PDE2A: variants seen among roughly 807,000 people sequenced by gnomAD.
PDE2A encodes the protein cGMP-dependent 3',5'-cyclic phosphodiesterase.
A neutral mutation model predicts 133.6 loss-of-function variants in PDE2A; 53 were observed. The ratio of observed to expected loss-of-function variants is 0.40; its 90% CI spans 0.32 to 0.50. The LOEUF is 0.50. Among genes scored for constraint, PDE2A ranks in the 20% least tolerant of loss-of-function variants. The pLI, the probability that PDE2A is intolerant of heterozygous loss-of-function variation, is 0.73. For missense variants in PDE2A, 796 were observed against 1,232.4 expected (o/e 0.65, Z 5.30); for synonymous variants, 491 against 490.2 (o/e 1.00, Z -0.02).
In PDE2A at chr11:72,577,389, C is replaced by G. The variant is rs1373447418; in HGVS notation, c.2821G>C (p.Glu941Gln). 6.2e-7 allele frequency: 1 copy of G among 1,612,274 alleles called. No individual in the cohort carries two copies. The highest frequency in any genetic ancestry group is 8.5e-7 in the Non-Finnish European group (1 of 1,178,972). ...GGAAGTGTCCCTGGAGGGGATCACT[C>G]AGCATCAAGGCTGCAGCAGCCATTG... The part of the protein sequence containing the change: ...PINGCCSLDA[E>Q] Residue 941 changes from glutamate (E) to glutamine (Q), a missense_variant, in exon 31 of 31, where the codon GAG becomes CAG. By Grantham distance (29) the Glu-to-Gln change is conservative. Around this residue, in one of 7 missense-constraint regions of PDE2A, gnomAD observed 83 missense variants for 99.0 expected, o/e 0.84. Coordinates refer to ENST00000334456, the MANE Select transcript of PDE2A (RefSeq NM_002599.5).
chr11:72,674,105 C>T (rs747465519), intron 1 of PDE2A, 32 bp downstream of exon 1: 23 of 1,606,104 alleles, frequency 1.4e-5, no homozygotes, highest in Non-Finnish European at 1.9e-5. Flanking sequence ...CTCTCACAGC[C>T]GCTCACCACC....
intron 4 of PDE2A, among the ~76,000 whole-genome samples, chr11:72,600,856 T>C (rs1390841839): frequency 6.6e-6 from 1 of 151,792 alleles, no homozygotes; most frequent in Non-Finnish European, 1.5e-5. Context: ...GGGCACAGAG[T>C]GGAGAGAGGA....
chr11:72,626,481 C>T (rs1858077162), intron 2 of PDE2A, among the ~76,000 whole-genome samples: 1 of 152,216 alleles, frequency 6.6e-6, no homozygotes, highest in Admixed American at 6.5e-5. Flanking sequence ...GTGCAGAATC[C>T]AGGAGGAAGT....
At chr11:72,606,236 G>A (rs956189181) in intron 3 of PDE2A, among the ~76,000 whole-genome samples, 3 of 152,148 alleles carry the variant, frequency 2.0e-5, no homozygotes, top group Admixed American at 2.0e-4. Context: ...ATGCAACGCA[G>A]CCTTGTCCAC....
chr11:72,661,334 C>T (rs1024917839), intron 1 of PDE2A, among the ~76,000 whole-genome samples: 2 of 152,102 alleles, frequency 1.3e-5, no homozygotes, highest in African/African-American at 4.8e-5. Flanking sequence ...AAATAAATAT[C>T]TTCTGAGGCC....
chr11:72,660,931 A>G (rs1246335029), intron 1 of PDE2A, among the ~76,000 whole-genome samples: 1 of 152,104 alleles, frequency 6.6e-6, no homozygotes, highest in Non-Finnish European at 1.5e-5. Context: ...GAGCAAGCCT[A>G]GAAGAAACAT....
Position 72,590,039 on chromosome 11 carries a change from C to G in PDE2A, c.757-58G>C. The stretch of plus-strand genomic sequence containing the variant: ...CCGCGGATCCGGGTCACCCCACTCC[C>G]CACCTGCTCCCCTCTCCGGGGCTCT... On this transcript the variant is annotated intron_variant, in intron 9 of 30. Transcript: ENST00000334456. The surrounding 1 kb of genome is among the most constrained non-coding windows in gnomAD (Gnocchi z 4.8). 1 of 1,473,774 alleles carries G rather than the reference C, an allele frequency of 6.8e-7. No homozygotes were observed. The highest frequency in any genetic ancestry group is 2.4e-5 in the East Asian group (1 of 41,156). 91.3% of individuals were successfully genotyped at this position (1,473,774 alleles called of 1,614,324 possible). A position where few individuals can be genotyped will look rare whatever the true frequency, so the allele number is the denominator to read the frequency against.
Position 72,578,140 on chromosome 11 carries a change from A to G in PDE2A, c.2615+93T>C, listed in dbSNP as rs765436042. 3 of 831,128 alleles carry G rather than the reference A, an allele frequency of 3.6e-6. No individual in the cohort carries two copies. Among genetic ancestry groups the G allele is most frequent in the Admixed American group, 1.7e-5 (1 of 57,722 alleles). The allele number at this position is 831,128 out of a possible 1,614,324, so 51.5% of individuals were successfully genotyped here. On this transcript the variant is annotated intron_variant, in intron 30 of 30. Transcript: ENST00000334456. The surrounding 1 kb of genome is among the most constrained non-coding windows in gnomAD (Gnocchi z 4.2). ...GGGATGAATCAGTTGGACCTGGGCC[A>G]GGCCAATCTCAGCACCTGTGTTTCC... is the stretch of plus-strand genomic sequence containing the variant.
At chr11:72,583,387 TG>T in intron 20 of PDE2A, 50 bp downstream of exon 20, 1 of 1,298,558 alleles carries the variant, frequency 7.7e-7, no homozygotes, top group South Asian at 1.2e-5. Flanking sequence ...TGCCTGGCCC[TG>T]GGTCCCCGGG....
rs1018361992 is a variant in PDE2A at position 72,605,029 on chromosome 11, G to A, written c.323+109C>T. 4.9e-6 allele frequency: 3 copies of A among 617,486 alleles called. No homozygotes were observed. The Admixed American group carries it at 7.6e-5, about 16-fold the overall frequency. The allele number at this position is 617,486 out of a possible 1,614,324, so 38.3% of individuals were successfully genotyped here. A position where few individuals can be genotyped will look rare whatever the true frequency, so the allele number is the denominator to read the frequency against. On this transcript the variant is annotated intron_variant, in intron 4 of 30. Coordinates refer to ENST00000334456, the MANE Select transcript of PDE2A (RefSeq NM_002599.5). ...GGAATCCCACCTGGCAGGGAGGCGG[G>A]GATCAATGTTGGAAGGGGAGGGTCA... is the stretch of plus-strand genomic sequence containing the variant.
At chr11:72,608,819 G>T in intron 2 of PDE2A, 68 bp from the exon 3 acceptor site, 1 of 838,880 alleles carries the variant, frequency 1.2e-6, no homozygotes, top group South Asian at 1.4e-5. Flanking sequence ...CTGCCCAAAG[G>T]ACTGTGAGCA....
Position 72,577,305 on chromosome 11 carries a change from C to T in PDE2A, c.*79G>A. The T allele has an allele frequency of 9.0e-7, 1 of 1,115,254 alleles. No homozygotes were observed. The highest frequency in any genetic ancestry group is 1.3e-6 in the Non-Finnish European group (1 of 757,784). The allele number at this position is 1,115,254 out of a possible 1,614,324, so 69.1% of individuals were successfully genotyped here. On this transcript the variant is annotated 3_prime_UTR_variant, in exon 31 of 31. Coordinates refer to ENST00000334456, the MANE Select transcript of PDE2A (RefSeq NM_002599.5). ...CTGGTCTAGGACCCAGGACCCGTGG[C>T]TCTGTTCCCAGTGCATCTGGCCAGA... is the stretch of plus-strand genomic sequence containing the variant.
At chr11:72,583,795 G>C (rs143594957) in intron 19 of PDE2A, among the ~76,000 whole-genome samples, 63 of 152,314 alleles carry the variant, frequency 4.1e-4, no homozygotes, top group Middle Eastern at 3.4e-3. Flanking sequence ...AAGGCCCATG[G>C]CAGGGAAGGA....
intron 1 of PDE2A, among the ~76,000 whole-genome samples, chr11:72,663,947 C>T (rs960578181): frequency 3.3e-5 from 5 of 152,182 alleles, no homozygotes; most frequent in African/African-American, 1.2e-4. Context: ...CAGAGGCCGA[C>T]TTCTAAGTGG....
chr11:72,614,819 A>G (rs1043593018), intron 2 of PDE2A, among the ~76,000 whole-genome samples: 2 of 152,148 alleles, frequency 1.3e-5, no homozygotes, highest in African/African-American at 4.8e-5. Context: ...GAAGGTCCCA[A>G]TGGAGGGGAG....
At chr11:72,620,604 A>G (rs990429735) in intron 2 of PDE2A, among the ~76,000 whole-genome samples, 1 of 152,170 alleles carries the variant, frequency 6.6e-6, no homozygotes, top group Admixed American at 6.5e-5. Context: ...CCCAAAAGAC[A>G]GGCACTTTGA....
chr11:72,642,464 C>T (rs1213194867), intron 1 of PDE2A, 138 bp from the exon 2 acceptor site: 3 of 964,452 alleles, frequency 3.1e-6, no homozygotes, highest in Non-Finnish European at 3.8e-6. Flanking sequence ...CCCGAGTGTC[C>T]GCCCCGGCCC....
At position 72,597,391 on chromosome 11, in the gene PDE2A, A is replaced by G. The variant is rs1856535518; in HGVS notation, c.433+119T>C. The G allele has an allele frequency of 1.6e-6, 1 of 628,078 alleles. No individual in the cohort carries two copies. Among genetic ancestry groups the G allele is most frequent in the Non-Finnish European group, 2.8e-6 (1 of 352,476 alleles). 38.9% of individuals were successfully genotyped at this position (628,078 alleles called of 1,614,324 possible). ...GATGGAGGGACTGCTAGAGACACAG[A>G]GCAAGAGAAAGAAGGAGACAGAGAT... is the stretch of plus-strand genomic sequence containing the variant. On this transcript the variant is annotated intron_variant, in intron 5 of 30. Transcript: ENST00000334456. The surrounding 1 kb of genome is among the most constrained non-coding windows in gnomAD (Gnocchi z 4.6).
chr11:72,667,330 C>A (rs773197912), intron 1 of PDE2A, among the ~76,000 whole-genome samples: 1 of 152,192 alleles, frequency 6.6e-6, no homozygotes, highest in South Asian at 2.1e-4. Flanking sequence ...CAGACCCCAA[C>A]TGCAATGTCA....
Sources: gnomAD v4.1 joint callset for allele counts (sites outside exome capture counted in the v4.1 genomes callset) on GRCh38, gnomAD v4.1.1 for gene constraint, gnomAD v4.1.1 regional missense constraint, Gnocchi (gnomAD v3.1) non-coding constraint, MANE v1.5 for transcripts, NCBI Gene and HGNC (gene_info 2026-07-23, HGNC 2026-07-21) for gene names.